The following EHMT1 variants were observed in gnomAD, a reference collection of about 807,000 sequenced individuals.
EHMT1 encodes euchromatic histone lysine methyltransferase 1.
A neutral mutation model predicts 147.2 loss-of-function variants in EHMT1; 15 were observed. The observed-to-expected ratio is 0.10, with a 90% CI of 0.07 to 0.16. The LOEUF is 0.16. Among genes scored for constraint, EHMT1 ranks in the 10% least tolerant of loss-of-function variants. The pLI is 1.00. For missense variants in EHMT1, 1,587 were observed against 1,772.4 expected (o/e 0.90, Z 1.88); for synonymous variants, 795 against 709.6 (o/e 1.12, Z -1.91).
intron 1 of EHMT1, among the ~76,000 whole-genome samples, chr9:137,625,859 TTTTG>T (rs1343255170): frequency 6.6e-6 from 1 of 151,444 alleles, no homozygotes; most frequent in Non-Finnish European, 1.5e-5. Flanking sequence ...TTTGTTTTGT[TTTTG>T]TTTTTTTTTG....
In EHMT1 at chr9:137,697,195, C is replaced by G. The variant is rs779877375; in HGVS notation, c.22-13772C>G. The G allele has an allele frequency of 9.4e-5, 31 of 330,284 alleles. 1 individual carries two copies. Among genetic ancestry groups the G allele is most frequent in the South Asian group, 6.6e-4 (31 of 46,856 alleles). 20.5% of individuals were successfully genotyped at this position (330,284 alleles called of 1,614,324 possible). A position where few individuals can be genotyped will look rare whatever the true frequency, so the allele number is the denominator to read the frequency against. On this transcript the variant is annotated intron_variant, in intron 1 of 26. Transcript: ENST00000460843. ...ACTTGGGAGGCTGAGGCAGGAGAAT[C>G]ATGTGAACCTGGGAGGCAGAGGTTG...
intron 1 of EHMT1, among the ~76,000 whole-genome samples, chr9:137,660,342 A>C (rs541179521): frequency 6.6e-6 from 1 of 151,650 alleles, no homozygotes; most frequent in South Asian, 2.1e-4. Context: ...TCTCAAAAAA[A>C]TTTTTTCCTC....
intron 1 of EHMT1, among the ~76,000 whole-genome samples, chr9:137,647,074 T>A (rs1351026920): frequency 1.3e-5 from 2 of 152,244 alleles, no homozygotes; most frequent in African/African-American, 4.8e-5. Flanking sequence ...TGTCTCCGTT[T>A]GGCTTCTAGA....
At chr9:137,823,000 G>A (rs951180664) in intron 25 of EHMT1, among the ~76,000 whole-genome samples, 7 of 151,760 alleles carry the variant, frequency 4.6e-5, no homozygotes, top group South Asian at 2.1e-4. Context: ...GCACAATCTC[G>A]GCTCACTGCA....
chr9:137,761,778 A>G (rs983156535), intron 9 of EHMT1, among the ~76,000 whole-genome samples: 27 of 152,260 alleles, frequency 1.8e-4, no homozygotes, highest in African/African-American at 6.5e-4. Flanking sequence ...ATTTTTAATT[A>G]AGAGAGGTAA....
intron 1 of EHMT1, among the ~76,000 whole-genome samples, chr9:137,666,608 A>G (rs1939681820): frequency 6.6e-6 from 1 of 152,222 alleles, no homozygotes; most frequent in African/African-American, 2.4e-5. Flanking sequence ...AGAAAAGGAA[A>G]TCTGTCCGCC....
chr9:137,700,963 A>C (rs926006669), intron 1 of EHMT1, among the ~76,000 whole-genome samples: 1 of 152,196 alleles, frequency 6.6e-6, no homozygotes, highest in Non-Finnish European at 1.5e-5. Context: ...CTTCTGGGGA[A>C]GCCTCAAGCA....
chr9:137,765,082 G>A lies in EHMT1; in HGVS notation c.1647+2262G>A, dbSNP rs545636252. Among the ~76,000 whole-genome samples the A allele has an allele frequency of 5.3e-5, 8 of 152,348 alleles. No homozygotes were observed. The South Asian group carries it at 8.3e-4, about 16-fold the overall frequency. ...GGGTTTCTGCGGCGGCCGCCTGTCCGCCCGAAGGCGGTATTGTCCTTGGTG... is the reference window on the plus strand; with the variant it reads ...GGGTTTCTGCGGCGGCCGCCTGTCCACCCGAAGGCGGTATTGTCCTTGGTG... On this transcript the variant is annotated intron_variant, in intron 10 of 26. Transcript: ENST00000460843.
chr9:137,797,521 A>C (rs534147867), intron 16 of EHMT1, among the ~76,000 whole-genome samples: 19 of 152,344 alleles, frequency 1.2e-4, no homozygotes, highest in Non-Finnish European at 2.4e-4. Context: ...ACAGTCTGCC[A>C]GCAGTTAGGA....
rs542451579 is a variant in EHMT1 at position 137,786,120 on chromosome 9, G to C, written c.2382+3723G>C. 6.6e-6 allele frequency: 1 copy of C among 152,274 alleles called. No individual in the cohort carries two copies. The highest frequency in any genetic ancestry group is 1.5e-5 in the Non-Finnish European group (1 of 68,102). 9.4% of individuals were successfully genotyped at this position (152,274 alleles called of 1,614,324 possible). On this transcript the variant is annotated intron_variant, in intron 15 of 26. Transcript: ENST00000460843. The surrounding 1 kb of genome is among the most constrained non-coding windows in gnomAD (Gnocchi z 4.3). ...GAGTGAGGGGAGTACAGAGCTCTTC[G>C]TTCTGTTTTACAGCCTCTTGTGAGT...
At chr9:137,674,142 G>T (rs1423992456) in intron 1 of EHMT1, among the ~76,000 whole-genome samples, 5 of 152,176 alleles carry the variant, frequency 3.3e-5, no homozygotes, top group African/African-American at 1.2e-4. Context: ...TCCTCACAGG[G>T]TCTGGAGCGC....
chr9:137,721,103 C>T (rs1564637502), intron 3 of EHMT1, among the ~76,000 whole-genome samples: 1 of 152,040 alleles, frequency 6.6e-6, no homozygotes, highest in East Asian at 1.9e-4. Context: ...GCGTGCGTAT[C>T]CCTGTGACTG....
intron 1 of EHMT1, among the ~76,000 whole-genome samples, chr9:137,635,957 T>A (rs1354504326): frequency 6.6e-6 from 1 of 151,972 alleles, no homozygotes; most frequent in Non-Finnish European, 1.5e-5. Context: ...AGTCTTGCTC[T>A]GTCGCCCAGG....
chr9:137,637,055 G>A (rs1318770457), intron 1 of EHMT1, among the ~76,000 whole-genome samples: 2 of 151,346 alleles, frequency 1.3e-5, no homozygotes, highest in African/African-American at 4.9e-5. Flanking sequence ...CTGCTACCAC[G>A]CCTGGCTATT....
rs140997389 is a variant in EHMT1, at chr9:137,716,427, ATGG to A, written c.86-195_86-193del. On this transcript the variant is annotated intron_variant, in intron 2 of 26. Transcript: ENST00000460843. ...TGGGGGAGGAAGTTGTGTTGGTGTC[ATGG>A]TGGGGGAGGAAGTTGTGTTGGTGTC... Among the ~76,000 whole-genome samples, 9 of 13,006 alleles carry A rather than the reference ATGG, an allele frequency of 6.9e-4. No individual in the cohort carries two copies. The South Asian group carries it at 8.7e-3, about 13-fold the overall frequency. The allele number at this position is 13,006 out of a possible 152,430, so 8.5% of individuals were successfully genotyped here.
intron 1 of EHMT1, among the ~76,000 whole-genome samples, chr9:137,683,900 G>A (rs969979393): frequency 3.3e-5 from 5 of 151,890 alleles, no homozygotes; most frequent in African/African-American, 7.3e-5. Context: ...CTTGTATTGT[G>A]ATGAGTTTGA....
intron 14 of EHMT1, among the ~76,000 whole-genome samples, chr9:137,781,958 T>A (rs1951591802): frequency 6.6e-6 from 1 of 152,150 alleles, no homozygotes. Context: ...GTGTCTGCCC[T>A]GGTCAGCCGC....
Position 137,757,737 on chromosome 9 carries a change from A to G in EHMT1, c.1370-143A>G, listed in dbSNP as rs181980292. 164 of 1,211,862 alleles carry G rather than the reference A, an allele frequency of 1.4e-4. No homozygotes were observed. The African/African-American group carries it at 1.9e-3, about 14-fold the overall frequency. 75.1% of individuals were successfully genotyped at this position (1,211,862 alleles called of 1,614,324 possible). Reference sequence around the variant, plus strand: ...TAGTGAAACTGGAATGGTCTAAACCATAGTGGGTTTCAACTTGTGGTTTTG... The same window carrying G: ...TAGTGAAACTGGAATGGTCTAAACCGTAGTGGGTTTCAACTTGTGGTTTTG... On this transcript the variant is annotated intron_variant, in intron 8 of 26. Coordinates refer to ENST00000460843, the MANE Select transcript of EHMT1 (RefSeq NM_024757.5).
chr9:137,785,426 G>C (rs117535812), intron 15 of EHMT1: 5,190 of 154,170 alleles, frequency 0.034, 103 homozygotes, highest in Middle Eastern at 0.058. Flanking sequence ...CTGAGCCCCT[G>C]AGGGTGGGGT....
Sources: allele counts gnomAD v4.1 joint callset (sites outside exome capture counted in the v4.1 genomes callset), GRCh38; gene constraint gnomAD v4.1.1; non-coding constraint Gnocchi (gnomAD v3.1); transcripts MANE v1.5; gene names NCBI Gene and HGNC (gene_info 2026-07-23, HGNC 2026-07-21).